Variants in LINGO2 observed in about 807,000 individuals in gnomAD.
The protein encoded by LINGO2 is leucine rich repeat and Ig domain containing 2, also known as leucine-rich repeat and immunoglobulin-like domain-containing nogo receptor-interacting protein 2.
Under a neutral mutation model 30.6 loss-of-function variants are expected in LINGO2, and 14 were observed. The ratio of observed to expected loss-of-function variants is 0.46; its 90% CI spans 0.30 to 0.72. The LOEUF is 0.72. LINGO2 is among the 30% of genes least tolerant of loss of function. The pLI, the probability that LINGO2 is intolerant of heterozygous loss-of-function variation, is 0.07. For synonymous variants in LINGO2, 317 were observed against 288.5 expected (o/e 1.10, Z -1.00); for missense variants, 729 against 751.7 (o/e 0.97, Z 0.35).
intron 2 of LINGO2, among the ~76,000 whole-genome samples, chr9:28,420,160 G>A (rs1235836421): frequency 3.9e-5 from 6 of 152,012 alleles, no homozygotes; most frequent in Non-Finnish European, 8.8e-5. Flanking sequence ...GAAAATTATA[G>A]CTCCAAAATA....
chr9:29,036,252 A>G, the LINGO2 span, among the ~76,000 whole-genome samples: 7 of 152,120 alleles, frequency 4.6e-5, no homozygotes, highest in African/African-American at 1.7e-4. Flanking sequence ...TTAGCCTTAA[A>G]AAGTGCATAA....
chr9:28,236,360 T>A (rs934317859), intron 4 of LINGO2, among the ~76,000 whole-genome samples: 1 of 152,118 alleles, frequency 6.6e-6, no homozygotes, highest in Non-Finnish European at 1.5e-5. Flanking sequence ...TAAATGTTAA[T>A]GAGCAAGAAT....
rs370481800 is a variant in LINGO2 at position 28,389,526 on chromosome 9, A to G, written c.-278-16658T>C. ...CATAAATGTTGACAACCATGCACAG[A>G]GGCATCATTCCCACCTACCCAAGAT... On this transcript the variant is annotated intron_variant, in intron 2 of 5. Transcript: ENST00000379992. Among the ~76,000 whole-genome samples the G allele has an allele frequency of 1.8e-4, 27 of 152,286 alleles. No homozygotes were observed. The East Asian group carries it at 3.3e-3, about 19-fold the overall frequency.
chr9:28,683,799 A>G, the LINGO2 span, among the ~76,000 whole-genome samples: 1 of 152,202 alleles, frequency 6.6e-6, no homozygotes, highest in Non-Finnish European at 1.5e-5. Flanking sequence ...GCTCTTCCTT[A>G]GTTTTGTAGA....
At chr9:29,120,357 A>T in the LINGO2 span, among the ~76,000 whole-genome samples, 3 of 152,138 alleles carry the variant, frequency 2.0e-5, no homozygotes, top group African/African-American at 7.3e-5. Context: ...GGAACATGTC[A>T]TTAAAATTTG....
At chr9:28,669,511 G>T (rs1828934543) in intron 1 of LINGO2, among the ~76,000 whole-genome samples, 2 of 151,922 alleles carry the variant, frequency 1.3e-5, no homozygotes, top group African/African-American at 4.8e-5. Flanking sequence ...AGAAAACACA[G>T]TTGTAAATGC....
the LINGO2 span, among the ~76,000 whole-genome samples, chr9:28,792,214 G>A: frequency 3.3e-4 from 50 of 151,842 alleles, no homozygotes; most frequent in Non-Finnish European, 6.6e-4. Flanking sequence ...CAATAAGCAG[G>A]CTTACAGGCT....
the LINGO2 span, among the ~76,000 whole-genome samples, chr9:29,056,118 T>C: frequency 6.6e-6 from 1 of 152,036 alleles, no homozygotes; most frequent in Non-Finnish European, 1.5e-5. Flanking sequence ...TCTTTTCCTC[T>C]GGGTAGATAC....
chr9:27,953,941 TACTA>T, intron 5 of LINGO2, among the ~76,000 whole-genome samples: 2 of 152,282 alleles, frequency 1.3e-5, no homozygotes, highest in Middle Eastern at 6.8e-3. Context: ...ATGTTGACAA[TACTA>T]ACTTTTTGAG....
At chr9:28,106,206 C>T (rs750667333) in intron 4 of LINGO2, among the ~76,000 whole-genome samples, 1 of 152,034 alleles carries the variant, frequency 6.6e-6, no homozygotes, top group Non-Finnish European at 1.5e-5. Flanking sequence ...GAAATCAGTC[C>T]CTGGTGCCAA....
intron 2 of LINGO2, among the ~76,000 whole-genome samples, chr9:28,392,369 C>T (rs1392415952): frequency 6.6e-6 from 1 of 152,110 alleles, no homozygotes; most frequent in Non-Finnish European, 1.5e-5. Context: ...GTCGGGCATG[C>T]CTAGATCCTG....
the LINGO2 span, among the ~76,000 whole-genome samples, chr9:28,829,693 G>A: frequency 1.3e-5 from 2 of 152,136 alleles, no homozygotes; most frequent in South Asian, 4.1e-4. Context: ...TTCGAGACCA[G>A]CCTGACCAAC....
At chr9:28,873,712 A>C in the LINGO2 span, among the ~76,000 whole-genome samples, 3 of 152,228 alleles carry the variant, frequency 2.0e-5, no homozygotes, top group South Asian at 2.1e-4. Flanking sequence ...AAAAAGACTA[A>C]AGGAAGAATT....
rs3894183 is a variant in LINGO2 at position 28,148,909 on chromosome 9, G to A, written c.-86-136504C>T. 6.5e-7 allele frequency: 1 copy of A among 1,533,584 alleles called. No individual in the cohort carries two copies. 95.0% of individuals were successfully genotyped at this position (1,533,584 alleles called of 1,614,324 possible). A position where few individuals can be genotyped will look rare whatever the true frequency, so the allele number is the denominator to read the frequency against. On this transcript the variant is annotated intron_variant, in intron 4 of 5. Coordinates refer to ENST00000379992, the Ensembl canonical transcript of LINGO2. The surrounding 1 kb of genome is among the most constrained non-coding windows in gnomAD (Gnocchi z 5.1). ...AGCCCAAGGATCCTGCAGCTCTTGGGTCAAGTAGGTCTTCTCCACACAGAG... is the reference window on the plus strand; with the variant it reads ...AGCCCAAGGATCCTGCAGCTCTTGGATCAAGTAGGTCTTCTCCACACAGAG...
At position 28,129,996 on chromosome 9, in the gene LINGO2, T is replaced by C. The variant is rs1026974203; in HGVS notation, c.-86-117591A>G. 3.9e-5 allele frequency among the ~76,000 whole-genome samples: 6 copies of C among 152,240 alleles called. No individual in the cohort carries two copies. Among genetic ancestry groups the C allele is most frequent in the Non-Finnish European group, 7.3e-5 (5 of 68,046 alleles). ...AGTAACTTCTATTTTAGTAGACTTT[T>C]TTCCTCTAAAATTCAAGAAGCCACA... On this transcript the variant is annotated intron_variant, in intron 4 of 5. Transcript: ENST00000379992. This position sits in a 1 kb window ranked among gnomAD's most constrained non-coding sequence, Gnocchi z 4.0.
At chr9:28,400,467 G>A (rs931281492) in intron 2 of LINGO2, among the ~76,000 whole-genome samples, 2 of 152,182 alleles carry the variant, frequency 1.3e-5, no homozygotes, top group Non-Finnish European at 2.9e-5. Context: ...AACCAGGGCT[G>A]CCTCTACCCA....
intron 5 of LINGO2, among the ~76,000 whole-genome samples, chr9:27,954,766 G>A (rs1053439595): frequency 1.3e-5 from 2 of 152,180 alleles, no homozygotes; most frequent in African/African-American, 4.8e-5. Flanking sequence ...TACAGTCCCA[G>A]CAGTGGGATT....
chr9:28,378,752 G>A (rs1821226967), intron 2 of LINGO2, among the ~76,000 whole-genome samples: 2 of 152,276 alleles, frequency 1.3e-5, no homozygotes, highest in Admixed American at 1.3e-4. Flanking sequence ...AATTGGGATT[G>A]TGGAAGATAC....
chr9:28,848,151 T>C, the LINGO2 span, among the ~76,000 whole-genome samples: 1 of 111,400 alleles, frequency 9.0e-6, no homozygotes, highest in Non-Finnish European at 1.8e-5. Context: ...ATATACTATA[T>C]ATACGCATAT....
Sources: gnomAD v4.1 joint callset for allele counts (sites outside exome capture counted in the v4.1 genomes callset) on GRCh38, gnomAD v4.1.1 for gene constraint, Gnocchi (gnomAD v3.1) non-coding constraint, MANE v1.5 for transcripts, NCBI Gene and HGNC (gene_info 2026-07-23, HGNC 2026-07-21) for gene names.